The following UBAC2 variants were observed in gnomAD, a reference collection of about 807,000 sequenced individuals.
UBAC2 encodes the protein ubiquitin-associated domain-containing protein 2.
Under a neutral mutation model 44.0 loss-of-function variants are expected in UBAC2, and 26 were observed. That is an observed-to-expected ratio of 0.59 (90% CI 0.43 to 0.82). The LOEUF is 0.82. Among genes scored for constraint, UBAC2 ranks in the 40% least tolerant of loss-of-function variants. The pLI is 0.00. For missense variants in UBAC2, 329 were observed against 419.4 expected (o/e 0.78, Z 1.88); for synonymous variants, 155 against 154.3 (o/e 1.00, Z -0.04).
chr13:99,338,301 G>A (rs1172634044), intron 6 of UBAC2, among the ~76,000 whole-genome samples: 3 of 151,810 alleles, frequency 2.0e-5, no homozygotes, highest in Non-Finnish European at 2.9e-5. Flanking sequence ...CTTGTGATCC[G>A]CCCGCCTTGG....
chr13:99,319,679 C>G (rs2044543139), intron 6 of UBAC2, among the ~76,000 whole-genome samples: 1 of 152,150 alleles, frequency 6.6e-6, no homozygotes, highest in East Asian at 1.9e-4. Context: ...AGAGCTAAAC[C>G]CTATTGTGAA....
chr13:99,232,399 GATATAGATATATATAT>G (rs2043184590), intron 1 of UBAC2, among the ~76,000 whole-genome samples: 1 of 109,902 alleles, frequency 9.1e-6, no homozygotes. Flanking sequence ...TTAGTTGAGA[GATATAGATATATATAT>G]ATATATTCAC....
chr13:99,322,963 T>A (rs2044588860), intron 6 of UBAC2, among the ~76,000 whole-genome samples: 2 of 152,236 alleles, frequency 1.3e-5, no homozygotes, highest in South Asian at 4.1e-4. Flanking sequence ...CCCAAACCAC[T>A]GTCTTAAAGT....
At chr13:99,359,836 C>T (rs1410675459) in intron 7 of UBAC2, among the ~76,000 whole-genome samples, 1 of 152,238 alleles carries the variant, frequency 6.6e-6, no homozygotes, top group East Asian at 1.9e-4. Flanking sequence ...TCGCTGCCTA[C>T]CCCATGGTCT....
intron 6 of UBAC2, among the ~76,000 whole-genome samples, chr13:99,324,500 C>G (rs1213113424): frequency 1.3e-5 from 2 of 152,182 alleles, no homozygotes; most frequent in Non-Finnish European, 2.9e-5. Flanking sequence ...GTAGCATGAA[C>G]AGGAAAGAAA....
intron 8 of UBAC2, among the ~76,000 whole-genome samples, chr13:99,371,635 T>C (rs1471360121): frequency 1.3e-5 from 2 of 152,252 alleles, no homozygotes; most frequent in South Asian, 2.1e-4. Flanking sequence ...CTTTTTTTGC[T>C]TACTTTTTCA....
chr13:99,277,173 T>C (rs2043894649), intron 4 of UBAC2, among the ~76,000 whole-genome samples: 1 of 152,192 alleles, frequency 6.6e-6, no homozygotes, highest in Non-Finnish European at 1.5e-5. Flanking sequence ...GTCACTCTTA[T>C]GAGATTTTAG....
At chr13:99,373,171 GTT>G (rs58290528) in intron 8 of UBAC2, among the ~76,000 whole-genome samples, 61,416 of 139,862 alleles carry the variant, frequency 0.44, 14,950 homozygotes, top group Non-Finnish European at 0.57. Context: ...CTTTTTTATT[GTT>G]TTTTTTTTTT....
At chr13:99,323,785 A>G (rs920039255) in intron 6 of UBAC2, among the ~76,000 whole-genome samples, 1 of 152,186 alleles carries the variant, frequency 6.6e-6, no homozygotes, top group African/African-American at 2.4e-5. Flanking sequence ...GGCAATTGCA[A>G]CTCAGGCCCA....
chr13:99,287,850 T>C (rs937694522), intron 4 of UBAC2, among the ~76,000 whole-genome samples: 3 of 152,116 alleles, frequency 2.0e-5, no homozygotes, highest in African/African-American at 7.2e-5. Flanking sequence ...CTTGCTCCCT[T>C]ACTGGGGAAA....
intron 7 of UBAC2, among the ~76,000 whole-genome samples, chr13:99,355,434 G>A (rs991729917): frequency 5.3e-5 from 8 of 152,188 alleles, no homozygotes; most frequent in Admixed American, 6.5e-5. Context: ...TCACTCAGTC[G>A]AGGGAGTGAG....
intron 7 of UBAC2, among the ~76,000 whole-genome samples, chr13:99,354,419 G>T (rs548341787): frequency 6.6e-6 from 1 of 152,350 alleles, no homozygotes; most frequent in South Asian, 2.1e-4. Context: ...ATCTAGTCCA[G>T]CTTTCCATTT....
At chr13:99,203,889 CACAATGCAGTTGAA>C (rs540847012) in intron 1 of UBAC2, among the ~76,000 whole-genome samples, 325 of 152,290 alleles carry the variant, frequency 2.1e-3, no homozygotes, top group African/African-American at 7.6e-3. Flanking sequence ...CAGTTTCAGA[CACAATGCAGTTGAA>C]AACACCCTGC....
At chr13:99,220,016 A>G (rs946012808) in intron 1 of UBAC2, among the ~76,000 whole-genome samples, 1 of 152,072 alleles carries the variant, frequency 6.6e-6, no homozygotes, top group Non-Finnish European at 1.5e-5. Flanking sequence ...GAACATTTGT[A>G]TGTAGGTTTT....
Position 99,386,493 on chromosome 13 carries a change from C to G in UBAC2, c.*1158C>G, listed in dbSNP as rs891352440. ...CTTGTTCCAGGCTATACATATTTAC[C>G]AGTCAACCAAATCCTCCGCACTGCT... On this transcript the variant is annotated 3_prime_UTR_variant, in exon 9 of 9. Transcript: ENST00000403766. The G allele has an allele frequency of 1.3e-5, 2 of 152,194 alleles. No homozygotes were observed. Among genetic ancestry groups the G allele is most frequent in the African/African-American group, 4.8e-5 (2 of 41,448 alleles). 9.4% of individuals were successfully genotyped at this position (152,194 alleles called of 1,614,324 possible).
chr13:99,271,785 C>T (rs932538412), intron 4 of UBAC2, among the ~76,000 whole-genome samples: 1 of 152,144 alleles, frequency 6.6e-6, no homozygotes, highest in East Asian at 1.9e-4. Context: ...TCCCCATGTC[C>T]CCCAGCTCAC....
At chr13:99,261,048 A>G (rs1224350008) in intron 4 of UBAC2, among the ~76,000 whole-genome samples, 1 of 152,244 alleles carries the variant, frequency 6.6e-6, no homozygotes, top group African/African-American at 2.4e-5. Flanking sequence ...ACTATAAAAT[A>G]TGCTTCTATG....
intron 7 of UBAC2, among the ~76,000 whole-genome samples, chr13:99,355,904 C>T (rs370390118): frequency 6.6e-6 from 1 of 152,208 alleles, no homozygotes; most frequent in African/African-American, 2.4e-5. Context: ...GAGTCCCTTC[C>T]CTGCACCTCC....
chr13:99,345,060 G>C (rs1010941627), intron 7 of UBAC2, among the ~76,000 whole-genome samples: 2 of 152,166 alleles, frequency 1.3e-5, no homozygotes, highest in African/African-American at 2.4e-5. Context: ...AGGACGGGTG[G>C]AATTTGGATG....
Sources: gnomAD v4.1 joint callset for allele counts (sites outside exome capture counted in the v4.1 genomes callset) on GRCh38, gnomAD v4.1.1 for gene constraint, MANE v1.5 for transcripts, NCBI Gene and HGNC (gene_info 2026-07-23, HGNC 2026-07-21) for gene names.